Variants in SEC14L1 observed in about 807,000 individuals in gnomAD.
The protein encoded by SEC14L1 is SEC14-like protein 1.
A neutral mutation model predicts 85.3 loss-of-function variants in SEC14L1; 48 were observed. The ratio of observed to expected loss-of-function variants is 0.56; its 90% confidence interval spans 0.45 to 0.72. SEC14L1 has a LOEUF of 0.72. Among genes scored for constraint, SEC14L1 ranks in the 30% least tolerant of loss-of-function variants. The probability of loss-of-function intolerance (pLI) is 0.00; values close to 1 mark genes in which losing one functional copy is unlikely to be tolerated. For synonymous variants in SEC14L1, 391 were observed against 355.5 expected, an observed-to-expected ratio of 1.10 and a Z score of -1.12; for missense variants, 682 against 921.4, an observed-to-expected ratio of 0.74 and a Z score of 3.36.
At position 77,213,770 on chromosome 17, in the gene SEC14L1, A is replaced by T; in HGVS notation, c.2043-148A>T. The T allele has an allele frequency of 1.9e-6, 2 of 1,058,222 alleles. No homozygotes were observed. Among genetic ancestry groups the T allele is most frequent in the Non-Finnish European group, 2.9e-6 (2 of 699,572 alleles). The allele number at this position is 1,058,222 out of a possible 1,614,324, so 65.6% of individuals were successfully genotyped here. A position where few individuals can be genotyped will look rare whatever the true frequency, so the allele number is the denominator to read the frequency against. On this transcript the variant is annotated intron_variant, in intron 16 of 16. Transcript: ENST00000436233. The surrounding 1 kb of genome is among the most constrained non-coding windows in gnomAD (Gnocchi z 7.1). ...GGGAAGCCGGTCCCCCTGGTGGGTT[A>T]CTCATGTCCATCCCCCGTTTGCAAG...
At chr17:77,092,724 G>A (rs56038813) in intron 2 of SEC14L1, among the ~76,000 whole-genome samples, 17,469 of 151,880 alleles carry the variant, frequency 0.12, 1,500 homozygotes, top group African/African-American at 0.25. Context: ...TGAGGCGGGC[G>A]GATCACCTGA....
chr17:77,161,818 C>T (rs113199364), intron 3 of SEC14L1, among the ~76,000 whole-genome samples: 2,627 of 148,642 alleles, frequency 0.018, 46 homozygotes, highest in Non-Finnish European at 0.029. Context: ...GCCTGGTTGG[C>T]TCAAGTACTA....
chr17:77,158,214 A>G (rs1235019108), intron 3 of SEC14L1, among the ~76,000 whole-genome samples: 13 of 152,236 alleles, frequency 8.5e-5, no homozygotes, highest in Admixed American at 8.5e-4. Context: ...TGCAGAGTTC[A>G]GTGGCACTAA....
chr17:77,202,574 G>T (rs1238001276), intron 9 of SEC14L1, among the ~76,000 whole-genome samples: 1 of 151,966 alleles, frequency 6.6e-6, no homozygotes, highest in African/African-American at 2.4e-5. Flanking sequence ...AGCCGAGATC[G>T]TGCCAGTGCA....
At chr17:77,146,328 A>C (rs1342463402) in intron 3 of SEC14L1, among the ~76,000 whole-genome samples, 1 of 152,224 alleles carries the variant, frequency 6.6e-6, no homozygotes, top group African/African-American at 2.4e-5. Context: ...AAGTTCATGC[A>C]ACCCTGATAG....
intron 3 of SEC14L1, among the ~76,000 whole-genome samples, chr17:77,179,804 A>G (rs1282040561): frequency 1.3e-5 from 2 of 151,566 alleles, no homozygotes; most frequent in Non-Finnish European, 2.9e-5. Context: ...CTTCCCGAGT[A>G]GCTGGGACTA....
chr17:77,142,557 CAAAAAAAA>C (rs757563624), intron 1 of SEC14L1, 81 bp from the exon 2 acceptor site: 1 of 73,674 alleles, frequency 1.4e-5, no homozygotes, highest in Non-Finnish European at 2.6e-5. Flanking sequence ...CACCCTGTCT[CAAAAAAAA>C]AAAAAAAAAA....
chr17:77,173,340 A>T (rs1268521433), intron 3 of SEC14L1, among the ~76,000 whole-genome samples: 1 of 149,934 alleles, frequency 6.7e-6, no homozygotes, highest in Non-Finnish European at 1.5e-5. Flanking sequence ...AGGAGTTAGG[A>T]TTATAAAGAG....
intron 3 of SEC14L1, among the ~76,000 whole-genome samples, chr17:77,120,227 T>A (rs961902994): frequency 2.6e-5 from 4 of 151,948 alleles, no homozygotes; most frequent in Non-Finnish European, 4.4e-5. Flanking sequence ...AAAATAAATT[T>A]AAAAAAAGTG....
At chr17:77,145,616 C>T (rs1220904402) in intron 3 of SEC14L1, among the ~76,000 whole-genome samples, 2 of 152,144 alleles carry the variant, frequency 1.3e-5, no homozygotes, top group African/African-American at 2.4e-5. Context: ...GTTATCTGTG[C>T]TGTTTTGGCT....
chr17:77,131,354 C>T (rs1045940172), intron 3 of SEC14L1, among the ~76,000 whole-genome samples: 2 of 152,200 alleles, frequency 1.3e-5, no homozygotes, highest in African/African-American at 4.8e-5. Context: ...ACTGCAACCT[C>T]TGCCTCCCAG....
intron 3 of SEC14L1, among the ~76,000 whole-genome samples, chr17:77,163,039 A>G (rs958632791): frequency 2.0e-5 from 3 of 152,150 alleles, no homozygotes; most frequent in Non-Finnish European, 4.4e-5. Context: ...CCATCGGCCA[A>G]TAGGACACAA....
intron 3 of SEC14L1, among the ~76,000 whole-genome samples, chr17:77,171,812 C>T (rs750560208): frequency 1.3e-5 from 2 of 152,144 alleles, no homozygotes; most frequent in Non-Finnish European, 2.9e-5. Flanking sequence ...ACTGAGTACC[C>T]GTTATGCCTT....
At position 77,195,037 on chromosome 17, in the gene SEC14L1, GTC is replaced by G. The variant is rs199762822; in HGVS notation, c.709+131_709+132del. The G allele has an allele frequency of 2.1e-3, 1,402 of 676,792 alleles. 19 individuals carry two copies. The highest frequency in any genetic ancestry group is 0.021 in the African/African-American group (1,147 of 55,370). 41.9% of individuals were successfully genotyped at this position (676,792 alleles called of 1,614,324 possible). ...TAGATAACTCAGAAAGGAAAGACCC[GTC>G]TCTCGTTTCTGGCCCTTGTCCTCTC... On this transcript the variant is annotated intron_variant, in intron 7 of 16. Transcript: ENST00000436233.
intron 3 of SEC14L1, among the ~76,000 whole-genome samples, chr17:77,132,847 C>A (rs1030498785): frequency 2.6e-5 from 3 of 116,714 alleles, no homozygotes; most frequent in Non-Finnish European, 3.8e-5. Context: ...ATACCCCAAT[C>A]CTCCTTTTTT....
Position 77,205,289 on chromosome 17 carries a change from A to C in SEC14L1, c.1112A>C (p.Asn371Thr). ...EALLRYVLSI[N>T]EEGLRRCEEN... ...TTTTGTATGTAGGTTCTCTCCATAA[A>C]TGAAGAAGGGCTAAGGCGATGCGAA... The change falls in exon 11 of 17, where the codon AAT (asparagine) becomes ACT (threonine). Residue 371 changes from asparagine to threonine, a missense_variant. This residue lies in a region of SEC14L1 where 420 missense variants were observed against 619.5 expected (regional missense o/e 0.68). Coordinates refer to ENST00000436233, the MANE Select transcript of SEC14L1 (RefSeq NM_001143998.2). 1 of 1,614,104 alleles carries C rather than the reference A, an allele frequency of 6.2e-7. No individual in the cohort carries two copies. Among genetic ancestry groups the C allele is most frequent in the Non-Finnish European group, 8.5e-7 (1 of 1,179,996 alleles).
chr17:77,203,493 T>C (rs745609196), intron 9 of SEC14L1, 77 bp from the exon 10 acceptor site: 1 of 1,266,700 alleles, frequency 7.9e-7, no homozygotes, highest in Non-Finnish European at 1.1e-6. Flanking sequence ...CACATATTCC[T>C]GTTAAGGGTC....
intron 7 of SEC14L1, among the ~76,000 whole-genome samples, chr17:77,195,501 A>G (rs1051623303): frequency 1.3e-5 from 2 of 150,424 alleles, no homozygotes; most frequent in Non-Finnish European, 1.5e-5. Flanking sequence ...TTATTTTTTT[A>G]TTTTTGAGAT....
intron 8 of SEC14L1, among the ~76,000 whole-genome samples, chr17:77,197,361 T>G (rs1975867879): frequency 6.6e-6 from 1 of 152,230 alleles, no homozygotes; most frequent in Non-Finnish European, 1.5e-5. Flanking sequence ...ACCTGTTGAT[T>G]GACAGTAATG....
Sources: allele counts gnomAD v4.1 joint callset (sites outside exome capture counted in the v4.1 genomes callset), GRCh38; gene constraint gnomAD v4.1.1; regional missense constraint gnomAD v4.1.1; non-coding constraint Gnocchi (gnomAD v3.1); transcripts MANE v1.5; gene names NCBI Gene and HGNC (gene_info 2026-07-23, HGNC 2026-07-21).